The following BOD1L1 variants were observed in gnomAD, a reference collection of about 807,000 sequenced individuals.
BOD1L1 encodes biorientation of chromosomes in cell division protein 1-like 1.
BOD1L1 carries 86 observed loss-of-function variants against 240.7 expected under a neutral mutation model. The observed-to-expected ratio is 0.36, with a 90% CI of 0.30 to 0.43. BOD1L1 has a LOEUF of 0.43. Ranked by LOEUF, BOD1L1 falls within the 20% of genes least tolerant of loss-of-function variation. The pLI is 1.00. For synonymous variants in BOD1L1, 1,268 were observed against 1,272.3 expected (o/e 1.00, Z 0.07); for missense variants, 3,554 against 3,643.5 (o/e 0.98, Z 0.63).
At chr4:13,612,960 T>C (rs761661380) in intron 5 of BOD1L1, among the ~76,000 whole-genome samples, 5 of 152,148 alleles carry the variant, frequency 3.3e-5, no homozygotes, top group Admixed American at 1.3e-4. Flanking sequence ...GCAGAGGAAG[T>C]AATTCAAGGG....
intron 9 of BOD1L1, 116 bp from the exon 10 acceptor site, chr4:13,605,200 T>A: frequency 1.2e-6 from 1 of 866,812 alleles, no homozygotes; most frequent in Non-Finnish European, 1.6e-6. Flanking sequence ...ACATCTCACT[T>A]AATTCTTACA....
chr4:13,580,763 G>C (rs1446337855), intron 21 of BOD1L1, among the ~76,000 whole-genome samples: 1 of 151,826 alleles, frequency 6.6e-6, no homozygotes, highest in Admixed American at 6.6e-5. Context: ...TTTAACCAAG[G>C]GTGGCCACAA....
rs1203625240 is a variant in BOD1L1 at position 13,581,069 on chromosome 4, T to A, written c.8669-15A>T. On this transcript the variant is annotated splice_polypyrimidine_tract_variant and intron_variant, in intron 20 of 25. Coordinates refer to ENST00000040738, the MANE Select transcript of BOD1L1 (RefSeq NM_148894.3). ...GGAGTCGTCTTCTAAAAAAAAAAAA[T>A]TCACTTAGAAAATCGGTTCGAAAAT... 7.1e-6 allele frequency: 11 copies of A among 1,559,964 alleles called. No homozygotes were observed. Among genetic ancestry groups the A allele is most frequent in the South Asian group, 3.6e-5 (3 of 83,980 alleles).
At chr4:13,618,532 C>T (rs1716795834) in intron 2 of BOD1L1, among the ~76,000 whole-genome samples, 1 of 152,202 alleles carries the variant, frequency 6.6e-6, no homozygotes, top group South Asian at 2.1e-4. Context: ...GACCTTTTCC[C>T]ACCAGGTATT....
At chr4:13,611,432 T>C (rs1418736269) in intron 5 of BOD1L1, among the ~76,000 whole-genome samples, 1 of 152,192 alleles carries the variant, frequency 6.6e-6, no homozygotes, top group African/African-American at 2.4e-5. Context: ...TTCTGAGAGC[T>C]CTGCTTCGCA....
Position 13,581,121 on chromosome 4 carries a change from C to A in BOD1L1, c.8668+11G>T, listed in dbSNP as rs1713196806. 7.0e-6 allele frequency: 11 copies of A among 1,571,170 alleles called. No individual in the cohort carries two copies. Among genetic ancestry groups the A allele is most frequent in the African/African-American group, 4.1e-5 (3 of 73,952 alleles). On this transcript the variant is annotated intron_variant, in intron 20 of 25. Transcript: ENST00000040738. ...TCTTGTGTGTGAACTGAAAACACAC[C>A]AAGTACCTACTCATTTTTAACGTTG... is the stretch of plus-strand genomic sequence containing the variant.
In BOD1L1 at chr4:13,597,121, C is replaced by A; in HGVS notation, c.8002G>T (p.Ala2668Ser). The part of the protein sequence containing the change: ...LNVLGGLKLK[A>S]NLKMEAYVPS... ...AGCCATACCTCCATTTTCAAGTTGG[C>A]TTTCAGTTTCAATCCTCCCAAAACA... Residue 2668 changes from alanine to serine, a missense_variant, in exon 11 of 26, where the codon GCC (alanine) becomes TCC (serine). By Grantham distance (99) the Ala-to-Ser change is moderately conservative (BLOSUM62 1). This residue lies in a region of BOD1L1 where 3,393 missense variants were observed against 3,427.1 expected (regional missense o/e 0.99). Transcript: ENST00000040738. The A allele has an allele frequency of 6.3e-7, 1 of 1,593,310 alleles. No homozygotes were observed. The highest frequency in any genetic ancestry group is 8.6e-7 in the Non-Finnish European group (1 of 1,168,612).
intron 17 of BOD1L1, among the ~76,000 whole-genome samples, chr4:13,586,185 C>T (rs548067411): frequency 6.6e-6 from 1 of 152,088 alleles, no homozygotes; most frequent in Non-Finnish European, 1.5e-5. Flanking sequence ...ATAATTAACA[C>T]GATCTTGCAG....
At chr4:13,595,381 T>C (rs1224380695) in intron 12 of BOD1L1, among the ~76,000 whole-genome samples, 1 of 152,122 alleles carries the variant, frequency 6.6e-6, no homozygotes, top group African/African-American at 2.4e-5. Context: ...TAGTCCACAG[T>C]GAAGAATGTT....
intron 25 of BOD1L1, among the ~76,000 whole-genome samples, chr4:13,570,390 T>G (rs1418346492): frequency 6.6e-6 from 1 of 152,190 alleles, no homozygotes; most frequent in Admixed American, 6.5e-5. Flanking sequence ...ACACTCTAGG[T>G]GCTGATGGTG....
intron 15 of BOD1L1, 111 bp from the exon 16 acceptor site, chr4:13,587,882 T>C: frequency 1.3e-6 from 1 of 749,316 alleles, no homozygotes. Flanking sequence ...ATATATAAAT[T>C]TTTTAAAAAT....
intron 25 of BOD1L1, among the ~76,000 whole-genome samples, chr4:13,571,664 G>C (rs77967512): frequency 1.3e-5 from 2 of 152,322 alleles, no homozygotes; most frequent in East Asian, 3.9e-4. Flanking sequence ...AGGGGCATTG[G>C]TCACTGAGGA....
Position 13,569,973 on chromosome 4 carries a change from C to T in BOD1L1, c.*38G>A, listed in dbSNP as rs757047278. On this transcript the variant is annotated 3_prime_UTR_variant, in exon 26 of 26. Transcript: ENST00000040738. ...CAAGGCATGTCTCTTTCCTCTCCAC[C>T]GTGTTCCTCCATAAGCCTAGGGCAG... is the stretch of plus-strand genomic sequence containing the variant. The T allele has an allele frequency of 2.1e-5, 30 of 1,435,222 alleles. No homozygotes were observed. The highest frequency in any genetic ancestry group is 2.0e-4 in the Middle Eastern group (1 of 4,900). The allele number at this position is 1,435,222 out of a possible 1,614,324, so 88.9% of individuals were successfully genotyped here. A position where few individuals can be genotyped will look rare whatever the true frequency, so the allele number is the denominator to read the frequency against.
At chr4:13,588,579 G>T in intron 15 of BOD1L1, 143 bp downstream of exon 15, 1 of 666,754 alleles carries the variant, frequency 1.5e-6, no homozygotes, top group Non-Finnish European at 2.4e-6. Context: ...GCATATACAG[G>T]TAAAAGTGAC....
chr4:13,576,750 G>C, intron 25 of BOD1L1, 88 bp downstream of exon 25: 11 of 1,481,430 alleles, frequency 7.4e-6, no homozygotes, highest in Non-Finnish European at 1.0e-5. Flanking sequence ...GAATGATTCA[G>C]TTCAAAGAGA....
intron 25 of BOD1L1, among the ~76,000 whole-genome samples, chr4:13,573,470 A>T (rs59560320): frequency 0.065 from 8,014 of 122,566 alleles, 472 homozygotes; most frequent in African/African-American, 0.17. Context: ...CTATCTATCT[A>T]TCTTTCTTTC....
rs923619039 is a variant in BOD1L1 at position 13,579,986 on chromosome 4, A to T, written c.8704-13T>A. Reference sequence around the variant, plus strand: ...GAGATTGTTCTACCTATGTTTAAATAAACAAACAAAAAAAAATTTTAAATC... The same window carrying T: ...GAGATTGTTCTACCTATGTTTAAATTAACAAACAAAAAAAAATTTTAAATC... On this transcript the variant is annotated splice_polypyrimidine_tract_variant and intron_variant, in intron 21 of 25. Transcript: ENST00000040738. The T allele has an allele frequency of 7.8e-6, 12 of 1,540,882 alleles. No homozygotes were observed. The highest frequency in any genetic ancestry group is 3.6e-5 in the South Asian group (3 of 83,322).
chr4:13,608,729 A>G (rs904609654), intron 7 of BOD1L1, 61 bp from the exon 8 acceptor site: 3 of 1,310,000 alleles, frequency 2.3e-6, no homozygotes, highest in East Asian at 5.9e-5. Flanking sequence ...ATGTAATATT[A>G]ATTTTTCATT....
Position 13,603,186 on chromosome 4 carries a change from A to G in BOD1L1, c.3714T>C (p.Val1238=). ...TTEVNIDSET[V]HRMLLSAPSE... ...ATGGGGCACTCAGTAACATTCTATG[A>G]ACAGTTTCAGAATCTATATTCACTT... The change falls in exon 10 of 26, where the codon GTT becomes GTC. Residue 1238 remains valine (V), a synonymous_variant. Transcript: ENST00000040738. 1 of 1,614,018 alleles carries G rather than the reference A, an allele frequency of 6.2e-7. No individual in the cohort carries two copies. The highest frequency in any genetic ancestry group is 2.2e-5 in the East Asian group (1 of 44,882).
Sources: gnomAD v4.1 joint callset for allele counts (sites outside exome capture counted in the v4.1 genomes callset) on GRCh38, gnomAD v4.1.1 for gene constraint, gnomAD v4.1.1 regional missense constraint, MANE v1.5 for transcripts, NCBI Gene and HGNC (gene_info 2026-07-23, HGNC 2026-07-21) for gene names.